The following GCA variants were observed in gnomAD, a reference collection of about 807,000 sequenced individuals.
GCA encodes grancalcin, EF-hand calcium-binding protein.
Under a neutral mutation model 32.6 loss-of-function variants are expected in GCA, and 30 were observed. The observed-to-expected ratio is 0.92, with a 90% CI of 0.69 to 1.25. The LOEUF is 1.25. GCA is among the 50% of genes most tolerant of loss of function. GCA has a pLI of 0.00. For synonymous variants in GCA, 102 were observed against 84.6 expected, an observed-to-expected ratio of 1.21 and a Z score of -1.13; for missense variants, 291 against 266.8, an observed-to-expected ratio of 1.09 and a Z score of -0.63.
intron 2 of GCA, 101 bp from the exon 3 acceptor site, chr2:162,352,237 A>G (rs1685037639): frequency 2.9e-6 from 2 of 694,004 alleles, no homozygotes; most frequent in Non-Finnish European, 5.1e-6. Context: ...TAATGTTTCA[A>G]AGAATGCATA....
At chr2:162,371,918 G>C, downstream of GCA, 1 of 1,613,774 alleles carries the variant, frequency 6.2e-7, no homozygotes, top group Non-Finnish European at 8.5e-7. Flanking sequence ...AAAGAAGGAT[G>C]CCTAATTGGA....
chr2:162,368,020 C>T (rs898834198), downstream of GCA, among the ~76,000 whole-genome samples: 4 of 151,870 alleles, frequency 2.6e-5, no homozygotes, highest in Non-Finnish European at 5.9e-5. Context: ...TAGTAATTCT[C>T]AAATTTTTAG....
chr2:162,334,130 T>G (rs944427636), intron 1 of GCA, among the ~76,000 whole-genome samples: 2 of 152,194 alleles, frequency 1.3e-5, no homozygotes, highest in African/African-American at 4.8e-5. Context: ...TTCCTGAGAC[T>G]TCTCCACACT....
At chr2:162,331,973 A>T (rs905589561) in intron 1 of GCA, among the ~76,000 whole-genome samples, 1 of 152,180 alleles carries the variant, frequency 6.6e-6, no homozygotes, top group African/African-American at 2.4e-5. Context: ...GCATTGTCAC[A>T]TAATTGCTTA....
intron 1 of GCA, among the ~76,000 whole-genome samples, chr2:162,323,081 CTT>C (rs1683742441): frequency 6.6e-6 from 1 of 151,794 alleles, no homozygotes; most frequent in Non-Finnish European, 1.5e-5. Context: ...TGTTTCCTGA[CTT>C]TTTAATGATT....
At chr2:162,365,910 C>A (rs1443546162), downstream of GCA, among the ~76,000 whole-genome samples, 1 of 151,416 alleles carries the variant, frequency 6.6e-6, no homozygotes, top group Non-Finnish European at 1.5e-5. Flanking sequence ...GATTACTGAT[C>A]CTTTAATTTT....
At chr2:162,358,865 G>A (rs772936785) in intron 5 of GCA, among the ~76,000 whole-genome samples, 179 bp from the exon 6 acceptor site, 6 of 151,170 alleles carry the variant, frequency 4.0e-5, no homozygotes, top group Non-Finnish European at 3.0e-5. Flanking sequence ...TTTATATACC[G>A]ATTAACAGGA....
chr2:162,347,502 A>G, intron 1 of GCA, 76 bp from the exon 2 acceptor site: 1 of 914,724 alleles, frequency 1.1e-6, no homozygotes, highest in Non-Finnish European at 1.6e-6. Context: ...GACTTCTAAT[A>G]ATTTCTTTTA....
At chr2:162,349,078 C>T (rs1488144622) in intron 2 of GCA, among the ~76,000 whole-genome samples, 1 of 146,870 alleles carries the variant, frequency 6.8e-6, no homozygotes, top group African/African-American at 2.7e-5. Flanking sequence ...TATAATATAT[C>T]ATATAAATGT....
intron 3 of GCA, among the ~76,000 whole-genome samples, 159 bp downstream of exon 3, chr2:162,352,566 T>C (rs992751583): frequency 1.3e-5 from 2 of 152,176 alleles, no homozygotes; most frequent in Admixed American, 1.3e-4. Flanking sequence ...AAAATAACTG[T>C]TCATTGTGTA....
In GCA at chr2:162,360,212, A is replaced by G. The variant is rs368929300; in HGVS notation, c.628-5A>G. 3 of 1,487,798 alleles carry G rather than the reference A, an allele frequency of 2.0e-6. No individual in the cohort carries two copies. The highest frequency in any genetic ancestry group is 1.7e-5 in the Admixed American group (1 of 57,210). The allele number at this position is 1,487,798 out of a possible 1,614,324, so 92.2% of individuals were successfully genotyped here. On this transcript the variant is annotated splice_polypyrimidine_tract_variant and splice_region_variant and intron_variant, in intron 7 of 7. Transcript: ENST00000437150. ...TAATAGATAATAATTTCACTTATGT[A>G]TTAGTTTTTGCAGGGCACTATGGCA...
intron 1 of GCA, among the ~76,000 whole-genome samples, chr2:162,326,165 A>G (rs1166181044): frequency 6.6e-6 from 1 of 152,204 alleles, no homozygotes; most frequent in African/African-American, 2.4e-5. Context: ...GGTTGGATCA[A>G]TCCTACATTG....
Position 162,359,109 on chromosome 2 carries a change from T to G in GCA, c.520T>G (p.Phe174Val). Reference sequence around the variant, plus strand: ...ACGTTATAGCAAGAATGGCAGAATTTTCTTTGATGATTATGTTGCTTGCTG... The same window carrying G: ...ACGTTATAGCAAGAATGGCAGAATTGTCTTTGATGATTATGTTGCTTGCTG... ...VKRYSKNGRIFFDDYVACCVK... is the reference protein window; with the variant it reads ...VKRYSKNGRIVFDDYVACCVK... The change falls in exon 6 of 8, where the codon TTC (phenylalanine) becomes GTC (valine). Residue 174 changes from phenylalanine to valine, a missense_variant. Transcript: ENST00000437150. The G allele has an allele frequency of 6.2e-7, 1 of 1,607,854 alleles. No individual in the cohort carries two copies. Among genetic ancestry groups the G allele is most frequent in the Non-Finnish European group, 8.5e-7 (1 of 1,175,460 alleles).
chr2:162,345,745 T>TA (rs1367702077), intron 1 of GCA, among the ~76,000 whole-genome samples: 10 of 152,218 alleles, frequency 6.6e-5, no homozygotes, highest in Non-Finnish European at 1.3e-4. Context: ...GCACTGATTT[T>TA]AAAAAATGTA....
chr2:162,362,540 G>A lies in GCA; in HGVS notation c.*2297G>A, dbSNP rs1685620281. 1.0e-6 allele frequency: 1 copy of A among 956,302 alleles called. No individual in the cohort carries two copies. The highest frequency in any genetic ancestry group is 4.8e-5 in the South Asian group (1 of 20,726). 59.2% of individuals were successfully genotyped at this position (956,302 alleles called of 1,614,324 possible). On this transcript the variant is annotated 3_prime_UTR_variant, in exon 8 of 8. Coordinates refer to ENST00000437150, the MANE Select transcript of GCA (RefSeq NM_012198.5). ...ACGATGATGTAAATTATTGAATAAT[G>A]TACACTCTTAATGTATAAGTGCTTT...
intron 1 of GCA, among the ~76,000 whole-genome samples, chr2:162,332,308 C>CA (rs1230075576): frequency 0.012 from 1,339 of 110,896 alleles, 28 homozygotes; most frequent in African/African-American, 0.039. Flanking sequence ...GACTCCATCT[C>CA]AAAAAAAAAA....
intron 5 of GCA, among the ~76,000 whole-genome samples, chr2:162,358,195 C>T (rs1418068364): frequency 6.6e-6 from 1 of 151,404 alleles, no homozygotes; most frequent in African/African-American, 2.4e-5. Context: ...TACCATTCTT[C>T]TTAGTAAAAT....
chr2:162,344,605 C>T (rs1684587998), intron 1 of GCA: 5 of 432,218 alleles, frequency 1.2e-5, no homozygotes, highest in African/African-American at 6.0e-5. Context: ...TGGTACTTCC[C>T]TCCCCCGCCC....
chr2:162,333,588 G>T (rs1277648255), intron 1 of GCA, among the ~76,000 whole-genome samples: 2 of 152,044 alleles, frequency 1.3e-5, no homozygotes, highest in African/African-American at 4.8e-5. Flanking sequence ...GGCAGTAAGA[G>T]TCTCAAGGGA....
Sources: gnomAD v4.1 joint callset for allele counts (sites outside exome capture counted in the v4.1 genomes callset) on GRCh38, gnomAD v4.1.1 for gene constraint, MANE v1.5 for transcripts, NCBI Gene and HGNC (gene_info 2026-07-23, HGNC 2026-07-21) for gene names.